The following ANKRD11 variants were observed in gnomAD, a reference collection of about 807,000 sequenced individuals.
ANKRD11 encodes ankyrin repeat domain-containing protein 11.
Under a neutral mutation model 195.7 loss-of-function variants are expected in ANKRD11, and 17 were observed. That is an observed-to-expected ratio of 0.09 (90% CI 0.06 to 0.13). The LOEUF (loss-of-function observed/expected upper bound fraction) is 0.13, where lower values mean the gene tolerates loss of function less well. Ranked by LOEUF, ANKRD11 falls within the 10% of genes least tolerant of loss-of-function variation. The pLI is 1.00. For missense variants in ANKRD11, 3,735 were observed against 3,566.1 expected (o/e 1.05, Z -1.21); for synonymous variants, 1,953 against 1,528.1 (o/e 1.28, Z -6.49).
intron 2 of ANKRD11, chr16:89,403,720 A>G (rs1037998046): frequency 2.0e-5 from 3 of 152,242 alleles, no homozygotes; most frequent in African/African-American, 4.8e-5. Context: ...ACTTGAGGCC[A>G]TAAGTTTGAG....
At chr16:89,346,250 G>GAAAAAAA (rs35573539) in intron 2 of ANKRD11, among the ~76,000 whole-genome samples, 2 of 96,880 alleles carry the variant, frequency 2.1e-5, no homozygotes, top group Non-Finnish European at 3.9e-5. Context: ...CCCGTCTCAG[G>GAAAAAAA]AAAAAAAAAA....
At chr16:89,334,457 T>G (rs2038243305) in intron 2 of ANKRD11, among the ~76,000 whole-genome samples, 1 of 152,158 alleles carries the variant, frequency 6.6e-6, no homozygotes, top group Admixed American at 6.5e-5. Flanking sequence ...CTTCCTCCAC[T>G]GCTCTGCTTC....
intron 4 of ANKRD11, among the ~76,000 whole-genome samples, chr16:89,292,304 CATCTCT>C (rs2035112744): frequency 6.6e-6 from 1 of 152,152 alleles, no homozygotes; most frequent in Admixed American, 6.5e-5. Context: ...AGGTGGGAGA[CATCTCT>C]AACAACGGAC....
At chr16:89,469,619 C>T (rs1441302654) in intron 1 of ANKRD11, among the ~76,000 whole-genome samples, 4 of 151,622 alleles carry the variant, frequency 2.6e-5, no homozygotes, top group Non-Finnish European at 5.9e-5. Flanking sequence ...AAAAAGTAGG[C>T]CAGGCGCGGT....
chr16:89,337,429 C>CTTTTTTTTTTTTTTTT lies in ANKRD11; in HGVS notation c.-59-20367_-59-20352dup. The stretch of plus-strand genomic sequence containing the variant: ...ATACATGAACATGGTCTAAGCAATT[C>CTTTTTTTTTTTTTTTT]TTTTTTTTTTTTTTTTTTTTTTTTT... On this transcript the variant is annotated intron_variant, in intron 2 of 12. Coordinates refer to ENST00000301030, the MANE Select transcript of ANKRD11 (RefSeq NM_013275.6). Among the ~76,000 whole-genome samples, 28 of 53,134 alleles carry CTTTTTTTTTTTTTTTT rather than the reference C, an allele frequency of 5.3e-4. 8 individuals carry two copies. Among genetic ancestry groups the CTTTTTTTTTTTTTTTT allele is most frequent in the East Asian group, 1.6e-3 (2 of 1,258 alleles). 34.9% of individuals were successfully genotyped at this position (53,134 alleles called of 152,430 possible). A position where few individuals can be genotyped will look rare whatever the true frequency, so the allele number is the denominator to read the frequency against.
chr16:89,433,959 G>C (rs889865283), intron 1 of ANKRD11, among the ~76,000 whole-genome samples: 1 of 152,216 alleles, frequency 6.6e-6, no homozygotes, highest in Non-Finnish European at 1.5e-5. Context: ...TAAGGGAGAA[G>C]GGGACATGGA....
At position 89,305,419 on chromosome 16, in the gene ANKRD11, G is replaced by A. The variant is rs3114912; in HGVS notation, c.88-75C>T. 1,203,216 of 1,594,452 alleles carry A rather than the reference G, an allele frequency of 0.75. 455,278 individuals are homozygous for A. Among genetic ancestry groups the A allele is most frequent in the Middle Eastern group, 0.79 (4,747 of 6,016 alleles). On this transcript the variant is annotated intron_variant, in intron 3 of 12. Coordinates refer to ENST00000301030, the MANE Select transcript of ANKRD11 (RefSeq NM_013275.6). The stretch of plus-strand genomic sequence containing the variant: ...AAGCTCTCAAGATTTTGTTTCATAT[G>A]CCAGGAGAAGCGCATCTCTTATTTG...
At chr16:89,370,489 C>A (rs1359613451) in intron 2 of ANKRD11, among the ~76,000 whole-genome samples, 1 of 152,168 alleles carries the variant, frequency 6.6e-6, no homozygotes, top group Non-Finnish European at 1.5e-5. Flanking sequence ...GGCCTTGAGG[C>A]AAATTCCCCC....
At chr16:89,471,604 A>G (rs1490513048) in intron 1 of ANKRD11, among the ~76,000 whole-genome samples, 1 of 151,872 alleles carries the variant, frequency 6.6e-6, no homozygotes, top group Non-Finnish European at 1.5e-5. Context: ...GGCCCACATG[A>G]TGAAACCTCC....
chr16:89,303,045 A>C (rs1186857917), intron 4 of ANKRD11, among the ~76,000 whole-genome samples: 1 of 152,208 alleles, frequency 6.6e-6, no homozygotes, highest in Non-Finnish European at 1.5e-5. Flanking sequence ...GCTTCTCTGC[A>C]CCATGATGAA....
intron 2 of ANKRD11, among the ~76,000 whole-genome samples, chr16:89,326,706 C>A (rs1268645417): frequency 2.6e-5 from 4 of 152,176 alleles, no homozygotes; most frequent in African/African-American, 9.7e-5. Flanking sequence ...TGCACCACTG[C>A]ACTCCAACCT....
chr16:89,342,817 C>T (rs984865206), intron 2 of ANKRD11, among the ~76,000 whole-genome samples: 1 of 152,118 alleles, frequency 6.6e-6, no homozygotes, highest in Non-Finnish European at 1.5e-5. Flanking sequence ...ACAGAATAAC[C>T]AAACTTTTGT....
intron 2 of ANKRD11, among the ~76,000 whole-genome samples, chr16:89,387,692 G>GA (rs920498026): frequency 0.04 from 2,701 of 67,472 alleles, 52 homozygotes; most frequent in East Asian, 0.1. Flanking sequence ...AAAAGAAAAA[G>GA]AAAAAAAAAA....
intron 2 of ANKRD11, among the ~76,000 whole-genome samples, chr16:89,356,227 G>GT (rs1165153594): frequency 1.3e-5 from 2 of 151,870 alleles, no homozygotes; most frequent in African/African-American, 4.8e-5. Flanking sequence ...ACTATTGTGG[G>GT]TTTTTAAAAA....
At chr16:89,334,337 G>T (rs1199617849) in intron 2 of ANKRD11, among the ~76,000 whole-genome samples, 1 of 151,890 alleles carries the variant, frequency 6.6e-6, no homozygotes, top group African/African-American at 2.4e-5. Flanking sequence ...TCTGAAGTTG[G>T]TGACATGTGA....
chr16:89,414,156 C>T (rs2042206925), intron 2 of ANKRD11, among the ~76,000 whole-genome samples: 1 of 152,206 alleles, frequency 6.6e-6, no homozygotes, highest in Admixed American at 6.5e-5. Context: ...TTCAGCAAGA[C>T]AGAACCTGAT....
chr16:89,369,640 CA>C (rs1431591522), intron 2 of ANKRD11, among the ~76,000 whole-genome samples: 3 of 152,162 alleles, frequency 2.0e-5, no homozygotes, highest in Non-Finnish European at 4.4e-5. Context: ...GAAGGACAAC[CA>C]GGGGGGTCCT....
Position 89,389,305 on chromosome 16 carries a change from G to A in ANKRD11, c.-60+28979C>T, listed in dbSNP as rs934974377. ...TTCCTACAGTGCTGGGATTACAGGC[G>A]TGAGCCACCACACCCGACCTACAAC... On this transcript the variant is annotated intron_variant, in intron 2 of 12. Transcript: ENST00000301030. Among the ~76,000 whole-genome samples the A allele has an allele frequency of 1.3e-4, 19 of 151,968 alleles. No individual in the cohort carries two copies. The South Asian group carries it at 1.9e-3, about 15-fold the overall frequency.
chr16:89,392,862 T>G (rs2041258674), intron 2 of ANKRD11, among the ~76,000 whole-genome samples: 1 of 151,630 alleles, frequency 6.6e-6, no homozygotes, highest in Admixed American at 6.6e-5. Context: ...CTCCATCAAC[T>G]ACATAAGAAA....
Sources: allele counts gnomAD v4.1 joint callset (sites outside exome capture counted in the v4.1 genomes callset), GRCh38; gene constraint gnomAD v4.1.1; transcripts MANE v1.5; gene names NCBI Gene and HGNC (gene_info 2026-07-23, HGNC 2026-07-21).